Variants in FANCI observed in about 807,000 individuals in gnomAD.
FANCI encodes the protein Fanconi anemia group I protein.
In FANCI, 156 loss-of-function variants were observed where a neutral mutation model predicts 176.1. The ratio of observed to expected loss-of-function variants is 0.89; its 90% confidence interval spans 0.78 to 1.01. The LOEUF (loss-of-function observed/expected upper bound fraction) is 1.01, where lower values mean the gene tolerates loss of function less well. FANCI is among the 50% of genes least tolerant of loss of function. FANCI has a pLI of 0.00. For missense variants in FANCI, 1,678 were observed against 1,534.1 expected, an observed-to-expected ratio of 1.09 and a Z score of -1.57; for synonymous variants, 613 against 541.7, an observed-to-expected ratio of 1.13 and a Z score of -1.83.
intron 13 of FANCI, among the ~76,000 whole-genome samples, chr15:89,277,495 A>G (rs1292769432): frequency 6.6e-6 from 1 of 151,768 alleles, no homozygotes; most frequent in East Asian, 1.9e-4. Flanking sequence ...ACGCACCTGC[A>G]GTCCCAGCTA....
chr15:89,315,766 C>T (rs2055212285), intron 37 of FANCI, among the ~76,000 whole-genome samples: 1 of 152,158 alleles, frequency 6.6e-6, no homozygotes, highest in African/African-American at 2.4e-5. Context: ...TGGGTTAAGG[C>T]TTCTTCCTTC....
intron 11 of FANCI, 56 bp from the exon 12 acceptor site, chr15:89,274,112 G>A (rs1698651374): frequency 1.5e-6 from 2 of 1,292,104 alleles, no homozygotes; most frequent in South Asian, 1.3e-5. Flanking sequence ...ATTCTGTTAG[G>A]TGCTTGATCT....
chr15:89,274,349 T>C, intron 12 of FANCI, 45 bp downstream of exon 12: 3 of 1,606,966 alleles, frequency 1.9e-6, no homozygotes, highest in Non-Finnish European at 2.6e-6. Flanking sequence ...AGGTGTTTAA[T>C]GTTAGAAAAT....
At position 89,261,813 on chromosome 15, in the gene FANCI, A is replaced by C; in HGVS notation, c.446-8A>C. ...AAATTCATTGCTCAGTATATTTTGC[A>C]TTTCTAGGTGTACTGAGTGGGGAAG... On this transcript the variant is annotated splice_polypyrimidine_tract_variant and splice_region_variant and intron_variant, in intron 5 of 37. Coordinates refer to ENST00000310775, the MANE Select transcript of FANCI (RefSeq NM_001113378.2). The C allele has an allele frequency of 6.2e-7, 1 of 1,614,024 alleles. No individual in the cohort carries two copies. The highest frequency in any genetic ancestry group is 8.5e-7 in the Non-Finnish European group (1 of 1,179,972).
At chr15:89,310,770 A>G (rs1258313451) in intron 34 of FANCI, among the ~76,000 whole-genome samples, 1 of 152,206 alleles carries the variant, frequency 6.6e-6, no homozygotes, top group East Asian at 1.9e-4. Flanking sequence ...ATGGGAAGAA[A>G]GCAACGAAAA....
Position 89,273,413 on chromosome 15 carries a change from C to G in FANCI, c.919C>G (p.Pro307Ala). 1.9e-6 allele frequency: 3 copies of G among 1,608,754 alleles called. No individual in the cohort carries two copies. Among genetic ancestry groups the G allele is most frequent in the Non-Finnish European group, 2.5e-6 (3 of 1,176,978 alleles). The part of the protein sequence containing the change: ...QQGDSNNNLS[P>A]FSIALLLSVT... ...AGGAGATTCCAATAATAACTTAAGT[C>G]CCTTCAGCATTGCTCTTCTTCTGTC... Residue 307 changes from proline to alanine, a missense_variant, in exon 11 of 38, where the codon CCC (proline) becomes GCC (alanine). Physicochemically the swap from Pro to Ala is conservative, Grantham distance 27 (BLOSUM62 -1). This residue lies in a region of FANCI where 469 missense variants were observed against 436.9 expected (regional missense o/e 1.07). Transcript: ENST00000310775.
intron 13 of FANCI, among the ~76,000 whole-genome samples, chr15:89,278,130 T>G (rs2053476560): frequency 6.6e-6 from 1 of 152,228 alleles, no homozygotes. Flanking sequence ...TCTTTATAAA[T>G]TGCTACTAAG....
intron 1 of FANCI, 29 bp from the exon 2 acceptor site, chr15:89,247,600 C>A: frequency 6.7e-7 from 1 of 1,483,228 alleles, no homozygotes; most frequent in Non-Finnish European, 9.4e-7. Context: ...CTGGAATCTT[C>A]ACCCACCTCT....
rs1169824507 is a variant in FANCI, at chr15:89,299,874, T to A, written c.2711T>A (p.Ile904Asn). 2 of 1,614,086 alleles carry A rather than the reference T, an allele frequency of 1.2e-6. No individual in the cohort carries two copies. Among genetic ancestry groups the A allele is most frequent in the East Asian group, 2.2e-5 (1 of 44,872 alleles). Reference protein sequence around the residue: ...ESGKKEKGKSISLLCLEGLQK... With the variant: ...ESGKKEKGKSNSLLCLEGLQK... ...GGAAAGAAAGAGAAAGGAAAGAGCA[T>A]CTCACTGCTGTGCTTGGAGGGTTTA... The change falls in exon 25 of 38, where the codon ATC becomes AAC. Residue 904 changes from isoleucine to asparagine, a missense_variant. Transcript: ENST00000310775.
rs999365209 is a variant in FANCI at position 89,308,143 on chromosome 15, C to T, written c.3651+471C>T. On this transcript the variant is annotated intron_variant, in intron 34 of 37. Coordinates refer to ENST00000310775, the MANE Select transcript of FANCI (RefSeq NM_001113378.2). ...CATCAGATTCCTGCAGTACTTGAATCTCCTTTACTGTTTGCTTAAACCAGT... is the reference window on the plus strand; with the variant it reads ...CATCAGATTCCTGCAGTACTTGAATTTCCTTTACTGTTTGCTTAAACCAGT... 4 of 1,080,060 alleles carry T rather than the reference C, an allele frequency of 3.7e-6. No homozygotes were observed. In the Admixed American group the frequency reaches 1.5e-4, roughly 39 times the overall value. The allele number at this position is 1,080,060 out of a possible 1,614,324, so 66.9% of individuals were successfully genotyped here.
chr15:89,281,268 C>A lies in FANCI; in HGVS notation c.1480C>A (p.Gln494Lys). 1 of 1,613,890 alleles carries A rather than the reference C, an allele frequency of 6.2e-7. No homozygotes were observed. Among genetic ancestry groups the A allele is most frequent in the South Asian group, 1.1e-5 (1 of 91,070 alleles). ...AFDYLSFLPL[Q>K]TVQRLLKAVQ... ...TGACTATTTGTCCTTTCTGCCCCTT[C>A]AGACTGTACAAAGGCTGCTTAAGGC... The change falls in exon 15 of 38, where the codon CAG becomes AAG. Residue 494 changes from glutamine to lysine, a missense_variant. Transcript: ENST00000310775.
Position 89,269,716 on chromosome 15 carries a change from C to A in FANCI, c.882+1191C>A, listed in dbSNP as rs561258853. ...GTTCCAGCAAGAAGGCAGCCATAGA[C>A]AAAATGTACTAACGAGTGTGGCTGT... On this transcript the variant is annotated intron_variant, in intron 10 of 37. Coordinates refer to ENST00000310775, the MANE Select transcript of FANCI (RefSeq NM_001113378.2). 2.6e-5 allele frequency among the ~76,000 whole-genome samples: 4 copies of A among 152,274 alleles called. No homozygotes were observed. In the East Asian group the frequency reaches 5.8e-4, roughly 22 times the overall value.
chr15:89,282,250 C>T, intron 16 of FANCI: 2 of 202,224 alleles, frequency 9.9e-6, no homozygotes, highest in Non-Finnish European at 1.0e-5. Flanking sequence ...CCTGAGCTGG[C>T]AGCAGTTCCA....
intron 24 of FANCI, among the ~76,000 whole-genome samples, chr15:89,295,552 G>C (rs2054226493): frequency 6.6e-6 from 1 of 152,006 alleles, no homozygotes; most frequent in Non-Finnish European, 1.5e-5. Flanking sequence ...TGTCATACCA[G>C]CTACTCGGGA....
At chr15:89,314,848 C>CTT in intron 36 of FANCI, 141 bp downstream of exon 36, 2 of 469,528 alleles carry the variant, frequency 4.3e-6, no homozygotes, top group Admixed American at 3.4e-5. Context: ...CCCCCCCCCC[C>CTT]CTTTTTTTTT....
rs377172077 is a variant in FANCI, at chr15:89,299,788, C to G, written c.2637-12C>G. 1.9e-6 allele frequency: 3 copies of G among 1,612,456 alleles called. No individual in the cohort carries two copies. Among genetic ancestry groups the G allele is most frequent in the Non-Finnish European group, 2.5e-6 (3 of 1,179,400 alleles). On this transcript the variant is annotated splice_polypyrimidine_tract_variant and intron_variant, in intron 24 of 37. Transcript: ENST00000310775. The stretch of plus-strand genomic sequence containing the variant: ...CTGTCTTTAAAAACAATACCACTTT[C>G]TCCTGCTTCAGAGTCTTGCTATGGA...
Position 89,292,936 on chromosome 15 carries a change from T to G in FANCI, c.2170-6T>G. On this transcript the variant is annotated splice_region_variant and splice_polypyrimidine_tract_variant and intron_variant, in intron 21 of 37. Coordinates refer to ENST00000310775, the MANE Select transcript of FANCI (RefSeq NM_001113378.2). ...AGCTTGTTAATTTTTATCTTGTGTC[T>G]TTTAGGATAAATCAGCAGATTTTTC... 1 of 1,614,136 alleles carries G rather than the reference T, an allele frequency of 6.2e-7. No individual in the cohort carries two copies. Among genetic ancestry groups the G allele is most frequent in the African/African-American group, 1.3e-5 (1 of 75,058 alleles).
At chr15:89,313,811 A>G (rs1290335064) in intron 35 of FANCI, among the ~76,000 whole-genome samples, 1 of 152,184 alleles carries the variant, frequency 6.6e-6, no homozygotes, top group Admixed American at 6.5e-5. Context: ...GAGATATGAA[A>G]AAAATAAACA....
chr15:89,314,818 T>C (rs2055141742), intron 36 of FANCI, 111 bp downstream of exon 36: 1 of 727,712 alleles, frequency 1.4e-6, no homozygotes, highest in African/African-American at 1.9e-5. Flanking sequence ...GCCATTTGTG[T>C]GTTTGCCATC....
Sources: gnomAD v4.1 joint callset for allele counts (sites outside exome capture counted in the v4.1 genomes callset) on GRCh38, gnomAD v4.1.1 for gene constraint, gnomAD v4.1.1 regional missense constraint, MANE v1.5 for transcripts, NCBI Gene and HGNC (gene_info 2026-07-23, HGNC 2026-07-21) for gene names.